Variants in CAPN13 observed in about 807,000 individuals in gnomAD.
CAPN13 encodes the protein calpain-13.
Under a neutral mutation model 98.4 loss-of-function variants are expected in CAPN13, and 90 were observed. The observed-to-expected ratio is 0.92, with a 90% CI of 0.77 to 1.09. The LOEUF (loss-of-function observed/expected upper bound fraction) is 1.09, where lower values mean the gene tolerates loss of function less well. Among genes scored for constraint, CAPN13 ranks in the 50% least tolerant of loss-of-function variants. The probability of loss-of-function intolerance (pLI) is 0.00; values close to 1 mark genes in which losing one functional copy is unlikely to be tolerated. For missense variants in CAPN13, 887 were observed against 841.3 expected, an observed-to-expected ratio of 1.05 and a Z score of -0.67; for synonymous variants, 330 against 305.5, an observed-to-expected ratio of 1.08 and a Z score of -0.84.
At chr2:30,727,860 T>C (rs1214993969) in intron 22 of CAPN13, among the ~76,000 whole-genome samples, 2 of 152,016 alleles carry the variant, frequency 1.3e-5, no homozygotes, top group Admixed American at 1.3e-4. Flanking sequence ...TGCACAAACA[T>C]TCATAGCAGG....
At chr2:30,783,152 G>A (rs1483266384) in intron 2 of CAPN13, among the ~76,000 whole-genome samples, 1 of 152,218 alleles carries the variant, frequency 6.6e-6, no homozygotes, top group Non-Finnish European at 1.5e-5. Flanking sequence ...CTTCACTCGT[G>A]TGCATGCTTG....
At chr2:30,797,309 C>A (rs1674936116) in intron 1 of CAPN13, among the ~76,000 whole-genome samples, 1 of 152,118 alleles carries the variant, frequency 6.6e-6, no homozygotes, top group South Asian at 2.1e-4. Flanking sequence ...TGCTCTAGTT[C>A]AGAAAACTGA....
At chr2:30,760,188 T>C (rs529711771) in intron 7 of CAPN13, among the ~76,000 whole-genome samples, 55 of 152,330 alleles carry the variant, frequency 3.6e-4, no homozygotes, top group African/African-American at 1.3e-3. Flanking sequence ...GTTCATGCCG[T>C]CCTCCTGCCT....
At chr2:30,724,480 G>A (rs977728146) in intron 22 of CAPN13, among the ~76,000 whole-genome samples, 3 of 152,186 alleles carry the variant, frequency 2.0e-5, no homozygotes, top group Admixed American at 1.3e-4. Context: ...GCATAGCGCT[G>A]GTCCTTGGAC....
intron 8 of CAPN13, among the ~76,000 whole-genome samples, 159 bp from the exon 9 acceptor site, chr2:30,754,523 T>A (rs1465823563): frequency 2.0e-5 from 3 of 152,220 alleles, no homozygotes; most frequent in African/African-American, 7.2e-5. Flanking sequence ...TCTCTACCTG[T>A]TGACGACTTC....
intron 22 of CAPN13, among the ~76,000 whole-genome samples, chr2:30,723,456 T>C (rs966589795): frequency 6.6e-6 from 1 of 152,010 alleles, no homozygotes; most frequent in Admixed American, 6.6e-5. Flanking sequence ...CAAAATTCCT[T>C]AAAGGGCACC....
In CAPN13 at chr2:30,742,314, C is replaced by T. The variant is rs1169530214; in HGVS notation, c.1479+12G>A. The T allele has an allele frequency of 6.2e-7, 1 of 1,601,032 alleles. No homozygotes were observed. The highest frequency in any genetic ancestry group is 8.5e-7 in the Non-Finnish European group (1 of 1,173,820). ...AATGAGGCTCGCCAGCCAAACCTTGCTGCATACCTACCTTCATTCTGAGGT... is the reference window on the plus strand; with the variant it reads ...AATGAGGCTCGCCAGCCAAACCTTGTTGCATACCTACCTTCATTCTGAGGT... On this transcript the variant is annotated intron_variant, in intron 14 of 22. Transcript: ENST00000295055.
intron 4 of CAPN13, among the ~76,000 whole-genome samples, chr2:30,773,722 TAAG>T (rs1052665776): frequency 2.0e-5 from 3 of 152,174 alleles, no homozygotes; most frequent in Non-Finnish European, 2.9e-5. Flanking sequence ...CCTGAAAGCA[TAAG>T]AAGAATTCTC....
At chr2:30,732,309 C>T (rs1017839706) in intron 20 of CAPN13, 129 bp downstream of exon 20, 47 of 1,176,978 alleles carry the variant, frequency 4.0e-5, no homozygotes, top group East Asian at 5.0e-5. Flanking sequence ...TGGCACCTCA[C>T]ACAGGCTGCT....
At chr2:30,732,217 T>C (rs1381688304) in intron 20 of CAPN13, among the ~76,000 whole-genome samples, 1 of 151,890 alleles carries the variant, frequency 6.6e-6, no homozygotes, top group African/African-American at 2.4e-5. Context: ...GTCAGGGTGA[T>C]GAGGAAAAGA....
chr2:30,725,911 T>G (rs903167905), intron 22 of CAPN13, among the ~76,000 whole-genome samples: 1 of 152,088 alleles, frequency 6.6e-6, no homozygotes, highest in Non-Finnish European at 1.5e-5. Context: ...AATAACAAGA[T>G]AATATTAACT....
In CAPN13 at chr2:30,753,094, T is replaced by C. The variant is rs1156493350; in HGVS notation, c.1046A>G (p.Gln349Arg). 2.5e-6 allele frequency: 4 copies of C among 1,613,934 alleles called. No individual in the cohort carries two copies. Among genetic ancestry groups the C allele is most frequent in the Non-Finnish European group, 3.4e-6 (4 of 1,179,890 alleles). The change falls in exon 10 of 23, where the codon CAA (glutamine) becomes CGA (arginine). Residue 349 changes from glutamine (Q) to arginine (R), a missense_variant. Coordinates refer to ENST00000295055, the MANE Select transcript of CAPN13 (RefSeq NM_144575.3). ...AATCACTTGCTTCCTAAACATTATT[T>C]GGGACCATCCTTCGTGGAGTGTGTT... ...HGNTLHEGWS[Q>R]IMFRKQVILG...
At chr2:30,805,101 G>C (rs2148124577) in intron 1 of CAPN13, among the ~76,000 whole-genome samples, 1 of 152,258 alleles carries the variant, frequency 6.6e-6, no homozygotes, top group East Asian at 1.9e-4. Context: ...ATTAGATCTA[G>C]TTTTCCCAGT....
Position 30,770,381 on chromosome 2 carries a change from G to T in CAPN13, c.456C>A (p.Cys152Ter), listed in dbSNP as rs1291289949. The stretch of plus-strand genomic sequence containing the variant: ...TTTGGTGGCGAGGACGCACAAAGAG[G>T]CATTTATCTCCCTGGACAGGTAGGC... ...DDRLPVQGDK[C>*]LFVRPRHQNQ... is the part of the protein sequence containing the mutation. The change falls in exon 5 of 23, where the codon TGC (cysteine) becomes TGA (stop). Residue 152 changes from cysteine to a stop codon, truncating the protein, a stop_gained. Coordinates refer to ENST00000295055, the MANE Select transcript of CAPN13 (RefSeq NM_144575.3). LOFTEE classifies it high-confidence loss of function. 5 of 1,613,880 alleles carry T rather than the reference G, an allele frequency of 3.1e-6. No individual in the cohort carries two copies. The African/African-American group carries it at 4.0e-5, about 13-fold the overall frequency.
intron 1 of CAPN13, among the ~76,000 whole-genome samples, chr2:30,792,925 C>T (rs980792341): frequency 4.1e-4 from 62 of 151,844 alleles, no homozygotes; most frequent in African/African-American, 1.4e-3. Flanking sequence ...TTTTAAAAAT[C>T]CACCTGCAAT....
intron 13 of CAPN13, 133 bp downstream of exon 13, chr2:30,743,250 G>C: frequency 3.7e-6 from 3 of 813,094 alleles, no homozygotes; most frequent in Non-Finnish European, 6.2e-6. Context: ...CTGCTCTAGA[G>C]TGGGGCCAAT....
intron 20 of CAPN13, among the ~76,000 whole-genome samples, 174 bp downstream of exon 20, chr2:30,732,264 C>T (rs892587698): frequency 5.9e-5 from 9 of 152,024 alleles, no homozygotes; most frequent in African/African-American, 1.9e-4. Flanking sequence ...GAGGGGGGTG[C>T]GGAGGGAGCT....
intron 8 of CAPN13, among the ~76,000 whole-genome samples, chr2:30,756,961 G>C (rs1672483125): frequency 6.6e-6 from 1 of 152,200 alleles, no homozygotes; most frequent in Non-Finnish European, 1.5e-5. Context: ...CAAGGTCATG[G>C]GGGATCGGAG....
At chr2:30,782,323 G>A (rs1674027866) in intron 2 of CAPN13, among the ~76,000 whole-genome samples, 2 of 152,142 alleles carry the variant, frequency 1.3e-5, no homozygotes, top group African/African-American at 2.4e-5. Context: ...TCACATGGTG[G>A]CCAGAGTTCA....
Sources: gnomAD v4.1 joint callset for allele counts (sites outside exome capture counted in the v4.1 genomes callset) on GRCh38, gnomAD v4.1.1 for gene constraint, MANE v1.5 for transcripts, NCBI Gene and HGNC (gene_info 2026-07-23, HGNC 2026-07-21) for gene names.